GPC5: variants seen among roughly 807,000 people sequenced by gnomAD.
The protein encoded by GPC5 is glypican 5, also known as glypican-5.
Under a neutral mutation model 53.9 loss-of-function variants are expected in GPC5, and 47 were observed. That is an observed-to-expected ratio of 0.87 (90% CI 0.69 to 1.11). GPC5 has a LOEUF of 1.11. GPC5 is among the 50% of genes most tolerant of loss of function. The probability of loss-of-function intolerance (pLI) is 0.00; values close to 1 mark genes in which losing one functional copy is unlikely to be tolerated. For missense variants in GPC5, 748 were observed against 713.1 expected (o/e 1.05, Z -0.56); for synonymous variants, 286 against 263.3 (o/e 1.09, Z -0.84).
At chr13:91,521,017 TAA>T (rs1298794418) in intron 2 of GPC5, among the ~76,000 whole-genome samples, 1 of 152,174 alleles carries the variant, frequency 6.6e-6, no homozygotes, top group African/African-American at 2.4e-5. Context: ...TTATAAAATA[TAA>T]CTCTTTTATT....
intron 7 of GPC5, among the ~76,000 whole-genome samples, chr13:92,830,816 T>C (rs1878021362): frequency 6.6e-6 from 1 of 152,138 alleles, no homozygotes; most frequent in South Asian, 2.1e-4. Flanking sequence ...CAACCGCAGA[T>C]AATTTTTAAA....
intron 7 of GPC5, among the ~76,000 whole-genome samples, chr13:92,563,928 C>T (rs1882782263): frequency 6.6e-6 from 1 of 151,872 alleles, no homozygotes; most frequent in Non-Finnish European, 1.5e-5. Flanking sequence ...TTGGGGTGAT[C>T]TTCATCATCA....
rs1295993305 is a variant in GPC5 at position 91,693,532 on chromosome 13, C to A, written c.671C>A (p.Thr224Asn). 1 of 1,614,094 alleles carries A rather than the reference C, an allele frequency of 6.2e-7. No individual in the cohort carries two copies. Among genetic ancestry groups the A allele is most frequent in the Non-Finnish European group, 8.5e-7 (1 of 1,180,002 alleles). The change falls in exon 3 of 8, where the codon ACT (threonine) becomes AAT (asparagine). Residue 224 changes from threonine to asparagine, a missense_variant. By Grantham distance (65) the Thr-to-Asn change is moderately conservative. Transcript: ENST00000377067. ...GGGAGGTCCCTGCTGCCCAGCCGCA[C>A]TTTTCTGCAGGCACTCAATCTGGGC... ...QMGRSLLPSR[T>N]FLQALNLGIE...
chr13:92,220,890 T>G (rs2042443702), intron 7 of GPC5, among the ~76,000 whole-genome samples: 4 of 152,192 alleles, frequency 2.6e-5, no homozygotes, highest in Admixed American at 6.5e-5. Context: ...TGTTCATATG[T>G]TGATATTTCT....
At position 91,755,007 on chromosome 13, in the gene GPC5, T is replaced by C. The variant is rs181496418; in HGVS notation, c.1155-1288T>C. ...TTTCTCTGAGTTTTGATGTTACATA[T>C]TTGAAAGTAATATTTATCTTTTTTA... On this transcript the variant is annotated intron_variant, in intron 4 of 7. Coordinates refer to ENST00000377067, the MANE Select transcript of GPC5 (RefSeq NM_004466.6). Among the ~76,000 whole-genome samples, 513 of 152,238 alleles carry C rather than the reference T, an allele frequency of 3.4e-3. 2 individuals carry two copies. Among genetic ancestry groups the C allele is most frequent in the African/African-American group, 0.012 (487 of 41,552 alleles).
chr13:91,946,067 G>C (rs1266752402), intron 6 of GPC5, among the ~76,000 whole-genome samples: 2 of 152,002 alleles, frequency 1.3e-5, no homozygotes, highest in Non-Finnish European at 2.9e-5. Flanking sequence ...TTGCTTGTGA[G>C]TCTCTAATGA....
chr13:92,118,385 T>G (rs572560608), intron 6 of GPC5, among the ~76,000 whole-genome samples: 1 of 152,130 alleles, frequency 6.6e-6, no homozygotes, highest in Admixed American at 6.5e-5. Flanking sequence ...GGGATATCGG[T>G]TTATACTTTC....
chr13:92,429,987 C>T (rs1877013894), intron 7 of GPC5, among the ~76,000 whole-genome samples: 1 of 151,040 alleles, frequency 6.6e-6, no homozygotes, highest in Admixed American at 6.6e-5. Context: ...ATTGCCATCA[C>T]AAGAAATAAG....
At chr13:92,449,452 T>G (rs9561049) in intron 7 of GPC5, among the ~76,000 whole-genome samples, 1 of 152,080 alleles carries the variant, frequency 6.6e-6, no homozygotes, top group Non-Finnish European at 1.5e-5. Flanking sequence ...CCATATTATC[T>G]ATACTTTATG....
intron 6 of GPC5, among the ~76,000 whole-genome samples, chr13:91,969,998 CA>C (rs1223124170): frequency 1.3e-5 from 2 of 152,000 alleles, no homozygotes; most frequent in Admixed American, 6.6e-5. Context: ...TCCCAATAGT[CA>C]AGATGAGGAA....
chr13:92,595,557 A>G (rs1883845972), intron 7 of GPC5, among the ~76,000 whole-genome samples: 1 of 151,848 alleles, frequency 6.6e-6, no homozygotes, highest in Non-Finnish European at 1.5e-5. Flanking sequence ...TCACGAGGTC[A>G]GGAGATCGAG....
chr13:92,445,193 TTTCCCCTC>T (rs1877748264), intron 7 of GPC5, among the ~76,000 whole-genome samples: 2 of 140,126 alleles, frequency 1.4e-5, no homozygotes, highest in Admixed American at 7.5e-5. Context: ...TCCTTGCTCC[TTTCCCCTC>T]CTCTCCCCTC....
chr13:91,820,645 T>C (rs1397563775), intron 5 of GPC5, among the ~76,000 whole-genome samples: 2 of 152,180 alleles, frequency 1.3e-5, no homozygotes, highest in African/African-American at 4.8e-5. Flanking sequence ...AGTCTGCATG[T>C]TTAGTTGAGC....
intron 5 of GPC5, among the ~76,000 whole-genome samples, chr13:91,765,118 C>G (rs1236774763): frequency 6.6e-6 from 1 of 152,222 alleles, no homozygotes; most frequent in Non-Finnish European, 1.5e-5. Context: ...TCTCTTTACT[C>G]TGCCACTAGA....
intron 5 of GPC5, among the ~76,000 whole-genome samples, chr13:91,866,657 C>T (rs910119466): frequency 6.6e-6 from 1 of 152,142 alleles, no homozygotes; most frequent in Non-Finnish European, 1.5e-5. Context: ...AACCATCAGC[C>T]AAATACTCCT....
At chr13:91,616,674 C>G (rs1378142360) in intron 2 of GPC5, among the ~76,000 whole-genome samples, 1 of 151,876 alleles carries the variant, frequency 6.6e-6, no homozygotes. Flanking sequence ...TAGATATAAA[C>G]CTCTTCTAAA....
intron 7 of GPC5, among the ~76,000 whole-genome samples, chr13:92,553,322 A>G (rs1882385334): frequency 6.6e-6 from 1 of 151,938 alleles, no homozygotes; most frequent in Non-Finnish European, 1.5e-5. Flanking sequence ...TCCATTGCCT[A>G]TGCCATTATT....
chr13:92,647,171 A>T lies in GPC5; in HGVS notation c.1562-219111A>T, dbSNP rs9561099. Among the ~76,000 whole-genome samples the T allele has an allele frequency of 0.028, 4,225 of 152,214 alleles. 418 individuals are homozygous for T. In the East Asian group the frequency reaches 0.33, roughly 12 times the overall value. On this transcript the variant is annotated intron_variant, in intron 7 of 7. Transcript: ENST00000377067. ...CCTAATGTTGGATATAAATTGTTAGAACAGACATCCTTACCTTGTTTTCAA... is the reference window on the plus strand; with the variant it reads ...CCTAATGTTGGATATAAATTGTTAGTACAGACATCCTTACCTTGTTTTCAA...
At chr13:92,175,343 G>A (rs556491311) in intron 7 of GPC5, among the ~76,000 whole-genome samples, 7 of 152,156 alleles carry the variant, frequency 4.6e-5, no homozygotes, top group Middle Eastern at 3.4e-3. Flanking sequence ...ATATATAAAA[G>A]CATCTAAATA....
Sources: gnomAD v4.1 joint callset for allele counts (sites outside exome capture counted in the v4.1 genomes callset) on GRCh38, gnomAD v4.1.1 for gene constraint, MANE v1.5 for transcripts, NCBI Gene and HGNC (gene_info 2026-07-23, HGNC 2026-07-21) for gene names.